Variants in PARD6G observed in about 807,000 individuals in gnomAD.
The protein encoded by PARD6G is par-6 family cell polarity regulator gamma.
A neutral mutation model predicts 10.7 loss-of-function variants in PARD6G; 7 were observed. The observed-to-expected ratio is 0.66, with a 90% CI of 0.37 to 1.23. PARD6G has a LOEUF of 1.23. PARD6G is among the 50% of genes most tolerant of loss of function. The pLI is 0.02. For synonymous variants in PARD6G, 287 were observed against 269.4 expected, an observed-to-expected ratio of 1.07 and a Z score of -0.64; for missense variants, 548 against 571.8, an observed-to-expected ratio of 0.96 and a Z score of 0.42.
chr18:80,212,901 C>A (rs1490163291), intron 1 of PARD6G, among the ~76,000 whole-genome samples: 1 of 151,448 alleles, frequency 6.6e-6, no homozygotes, highest in Non-Finnish European at 1.5e-5. Flanking sequence ...AAAAAATTAT[C>A]TTGTTTTTAT....
In PARD6G at chr18:80,159,634, T is replaced by C. The variant is rs546763137; in HGVS notation, c.*137A>G. On this transcript the variant is annotated 3_prime_UTR_variant, in exon 3 of 3. Coordinates refer to ENST00000353265, the MANE Select transcript of PARD6G (RefSeq NM_032510.4). ...AAAATAGGCAATACTTGTGTTTTTA[T>C]ATCCGGAAGTTGAAACAAAGAGCAG... 4 of 1,249,712 alleles carry C rather than the reference T, an allele frequency of 3.2e-6. No individual in the cohort carries two copies. In the East Asian group the frequency reaches 9.6e-5, roughly 30 times the overall value. The allele number at this position is 1,249,712 out of a possible 1,614,324, so 77.4% of individuals were successfully genotyped here. A position where few individuals can be genotyped will look rare whatever the true frequency, so the allele number is the denominator to read the frequency against.
intron 2 of PARD6G, among the ~76,000 whole-genome samples, chr18:80,199,754 C>T (rs1966992234): frequency 2.0e-5 from 3 of 152,204 alleles, no homozygotes; most frequent in Admixed American, 1.3e-4. Context: ...GCGATTTCTC[C>T]TGCCTCAGCC....
intron 2 of PARD6G, among the ~76,000 whole-genome samples, chr18:80,196,862 G>C (rs563741555): frequency 7.2e-6 from 1 of 139,794 alleles, no homozygotes; most frequent in Admixed American, 7.6e-5. Context: ...ACATTCCCAC[G>C]GTGGAGTGGG....
chr18:80,239,494 T>C (rs1967465807), intron 1 of PARD6G, among the ~76,000 whole-genome samples: 1 of 152,174 alleles, frequency 6.6e-6, no homozygotes, highest in Non-Finnish European at 1.5e-5. Flanking sequence ...GGAAAGTTTA[T>C]GAGTTTGTGT....
intron 1 of PARD6G, among the ~76,000 whole-genome samples, chr18:80,221,560 T>C (rs556473325): frequency 1.3e-5 from 2 of 152,322 alleles, no homozygotes; most frequent in Non-Finnish European, 2.9e-5. Context: ...TTCTTCATCC[T>C]ACATAGAGAA....
chr18:80,210,108 A>G (rs1967093384), intron 1 of PARD6G, among the ~76,000 whole-genome samples: 1 of 152,198 alleles, frequency 6.6e-6, no homozygotes. Flanking sequence ...GCTCTTGGTC[A>G]ATAAGCAAGG....
chr18:80,224,040 T>A (rs961315709), intron 1 of PARD6G, among the ~76,000 whole-genome samples: 7 of 152,164 alleles, frequency 4.6e-5, no homozygotes, highest in Admixed American at 6.5e-5. Context: ...AGAACTTGCC[T>A]TCCCTCACAT....
rs1488600739 is a variant in PARD6G, at chr18:80,246,614, G to C, written c.72+663C>G. Among the ~76,000 whole-genome samples the C allele has an allele frequency of 4.1e-4, 62 of 149,750 alleles. No individual in the cohort carries two copies. The highest frequency in any genetic ancestry group is 3.5e-3 in the Middle Eastern group (1 of 284). ...CGCGTCCGGAGGTGGGGGAGTCTGG[G>C]GTGGGGGCGCGCCCGTGGGGGTGGG... On this transcript the variant is annotated intron_variant, in intron 1 of 2. Transcript: ENST00000353265. This position sits in a 1 kb window ranked among gnomAD's most constrained non-coding sequence, Gnocchi z 6.7.
chr18:80,195,497 A>C (rs1297641510), intron 2 of PARD6G, among the ~76,000 whole-genome samples: 1 of 142,384 alleles, frequency 7.0e-6, no homozygotes, highest in Non-Finnish European at 1.5e-5. Flanking sequence ...CAAGAGGGAA[A>C]ATTCAAAGAT....
chr18:80,160,084 G>C lies in PARD6G; in HGVS notation c.818C>G (p.Thr273Ser). ...GGCGGGGGGACCCACGAAGCCCGCG[G>C]TGCCGTCCGAGGGCGGTCCCGAGCT... is the stretch of plus-strand genomic sequence containing the variant. ...LGSSGPPSDG[T>S]AGFVGPPAPR... Residue 273 changes from threonine (T) to serine (S), a missense_variant, in exon 3 of 3, where the codon ACC becomes AGC. Physicochemically the swap from Thr to Ser is moderately conservative, Grantham distance 58. Coordinates refer to ENST00000353265, the MANE Select transcript of PARD6G (RefSeq NM_032510.4). 1 of 1,591,174 alleles carries C rather than the reference G, an allele frequency of 6.3e-7. No homozygotes were observed. The highest frequency in any genetic ancestry group is 8.5e-7 in the Non-Finnish European group (1 of 1,169,732).
At chr18:80,176,745 C>T (rs891666265) in intron 2 of PARD6G, among the ~76,000 whole-genome samples, 1 of 152,200 alleles carries the variant, frequency 6.6e-6, no homozygotes, top group African/African-American at 2.4e-5. Context: ...ACAGGGCAAA[C>T]AGCTCACTAA....
At position 80,183,894 on chromosome 18, in the gene PARD6G, T is replaced by A. The variant is rs1176434560; in HGVS notation, c.295+18816A>T. ...GCACATGACATACAACGAAACCACATGGACAGACACAACCCCGAATGCCAA... is the reference window on the plus strand; with the variant it reads ...GCACATGACATACAACGAAACCACAAGGACAGACACAACCCCGAATGCCAA... On this transcript the variant is annotated intron_variant, in intron 2 of 2. Transcript: ENST00000353265. The surrounding 1 kb of genome is among the most constrained non-coding windows in gnomAD (Gnocchi z 4.5). The A allele has an allele frequency of 6.6e-6, 1 of 152,288 alleles. No individual in the cohort carries two copies. Among genetic ancestry groups the A allele is most frequent in the African/African-American group, 2.4e-5 (1 of 41,458 alleles). 9.4% of individuals were successfully genotyped at this position (152,288 alleles called of 1,614,324 possible). A position where few individuals can be genotyped will look rare whatever the true frequency, so the allele number is the denominator to read the frequency against.
chr18:80,173,304 C>G (rs2052789050), intron 2 of PARD6G, among the ~76,000 whole-genome samples: 1 of 152,098 alleles, frequency 6.6e-6, no homozygotes, highest in South Asian at 2.1e-4. Context: ...GGGGTCACAG[C>G]TGGATACCAA....
At chr18:80,238,565 T>TA (rs1180165607) in intron 1 of PARD6G, among the ~76,000 whole-genome samples, 1 of 151,632 alleles carries the variant, frequency 6.6e-6, no homozygotes, top group Non-Finnish European at 1.5e-5. Flanking sequence ...GGTCTGGCGA[T>TA]AGAGACCCTA....
In PARD6G at chr18:80,186,567, G is replaced by A. The variant is rs2052880665; in HGVS notation, c.295+16143C>T. ...ACACCCTCACACACATGCACACACA[G>A]CCCTTGCACACCCCCCCAAAGGATG... On this transcript the variant is annotated intron_variant, in intron 2 of 2. Transcript: ENST00000353265. 2.0e-5 allele frequency among the ~76,000 whole-genome samples: 3 copies of A among 151,060 alleles called. No homozygotes were observed. The South Asian group carries it at 6.3e-4, about 32-fold the overall frequency.
At position 80,246,717 on chromosome 18, in the gene PARD6G, T is replaced by C. The variant is rs984890608; in HGVS notation, c.72+560A>G. Among the ~76,000 whole-genome samples the C allele has an allele frequency of 1.3e-5, 2 of 150,280 alleles. No individual in the cohort carries two copies. The highest frequency in any genetic ancestry group is 3.0e-5 in the Non-Finnish European group (2 of 67,558). ...CCGGGGGAGAGCCGGGTGCGTGCTC[T>C]GGGTCTGCGCGGGGGAGCGCGCCTG... On this transcript the variant is annotated intron_variant, in intron 1 of 2. Coordinates refer to ENST00000353265, the MANE Select transcript of PARD6G (RefSeq NM_032510.4). The surrounding 1 kb of genome is among the most constrained non-coding windows in gnomAD (Gnocchi z 6.7).
In PARD6G at chr18:80,247,271, G is replaced by A. The variant is rs1322078578; in HGVS notation, c.72+6C>T. The A allele has an allele frequency of 1.9e-6, 3 of 1,574,602 alleles. No homozygotes were observed. The highest frequency in any genetic ancestry group is 2.8e-5 in the African/African-American group (2 of 71,372). ...GCAGGGCCGCCGGGGCGGGCGGGGG[G>A]CTTACCTTGCTCTTGACTTCCACTG... On this transcript the variant is annotated splice_donor_region_variant and intron_variant, in intron 1 of 2. Transcript: ENST00000353265. This position sits in a 1 kb window ranked among gnomAD's most constrained non-coding sequence, Gnocchi z 4.2.
intron 1 of PARD6G, among the ~76,000 whole-genome samples, chr18:80,209,713 G>A (rs1019851683): frequency 1.3e-5 from 2 of 152,206 alleles, no homozygotes; most frequent in African/African-American, 4.8e-5. Flanking sequence ...TTGGCAGGCA[G>A]AGGCAGGAGG....
At chr18:80,204,642 T>C (rs1047170540) in intron 1 of PARD6G, among the ~76,000 whole-genome samples, 2 of 148,746 alleles carry the variant, frequency 1.3e-5, no homozygotes, top group South Asian at 4.2e-4. Flanking sequence ...CCTACAACAA[T>C]GGGACAATTC....
Sources: gnomAD v4.1 joint callset for allele counts (sites outside exome capture counted in the v4.1 genomes callset) on GRCh38, gnomAD v4.1.1 for gene constraint, Gnocchi (gnomAD v3.1) non-coding constraint, MANE v1.5 for transcripts, NCBI Gene and HGNC (gene_info 2026-07-23, HGNC 2026-07-21) for gene names.